Variants in PDXDC1 observed in about 807,000 individuals in gnomAD.
The protein encoded by PDXDC1 is pyridoxal-dependent decarboxylase domain-containing protein 1.
Under a neutral mutation model 100.1 loss-of-function variants are expected in PDXDC1, and 42 were observed. The ratio of observed to expected loss-of-function variants is 0.42; its 90% CI spans 0.33 to 0.54. The LOEUF (loss-of-function observed/expected upper bound fraction) is 0.54. PDXDC1 is among the 20% of genes least tolerant of loss of function. The pLI, the probability that PDXDC1 is intolerant of heterozygous loss-of-function variation, is 0.10. For missense variants in PDXDC1, 636 were observed against 979.2 expected (o/e 0.65, Z 4.68); for synonymous variants, 260 against 371.7 (o/e 0.70, Z 3.46).
At chr16:15,072,596 A>C (rs972086718) in intron 16 of PDXDC1, among the ~76,000 whole-genome samples, 5 of 152,070 alleles carry the variant, frequency 3.3e-5, no homozygotes, top group African/African-American at 1.2e-4. Context: ...TGTGGTCAGG[A>C]GTTCAAGACC....
intron 16 of PDXDC1, among the ~76,000 whole-genome samples, chr16:15,122,547 C>T (rs2047475253): frequency 6.8e-6 from 1 of 146,996 alleles, no homozygotes; most frequent in Admixed American, 6.9e-5. Flanking sequence ...AAGGAAGAAA[C>T]CCCGCGGGTC....
chr16:15,007,329 C>G (rs1347682314), intron 6 of PDXDC1, among the ~76,000 whole-genome samples: 2 of 152,222 alleles, frequency 1.3e-5, no homozygotes, highest in Non-Finnish European at 2.9e-5. Flanking sequence ...CGCCACCACG[C>G]CCAGATAATT....
Position 15,065,091 on chromosome 16 carries a change from G to A in PDXDC1, c.1399+35035G>A, listed in dbSNP as rs552856901. The A allele has an allele frequency of 1.8e-4, 162 of 888,448 alleles. No individual in the cohort carries two copies. The African/African-American group carries it at 2.4e-3, about 13-fold the overall frequency. 55.0% of individuals were successfully genotyped at this position (888,448 alleles called of 1,614,324 possible). On this transcript the variant is annotated intron_variant, in intron 16 of 16. Coordinates refer to the PDXDC1 transcript ENST00000535621. ...TGAGTCAGGAGAATGGTGTGAACCC[G>A]GGAGGCGGAGCTTGCGGTAAGCCGA...
chr16:14,985,991 C>T (rs1392064688), intron 1 of PDXDC1, among the ~76,000 whole-genome samples: 4 of 152,230 alleles, frequency 2.6e-5, no homozygotes, highest in Non-Finnish European at 2.9e-5. Context: ...GCCATGTCTG[C>T]TCAGGGGGCT....
chr16:15,063,095 G>A (rs766152404), intron 16 of PDXDC1: 58 of 879,632 alleles, frequency 6.6e-5, no homozygotes, highest in Admixed American at 5.5e-4. Context: ...CCCCTAAAGT[G>A]CGGGGATTAC....
chr16:15,076,807 G>A (rs2045475977), intron 16 of PDXDC1, among the ~76,000 whole-genome samples: 1 of 152,192 alleles, frequency 6.6e-6, no homozygotes, highest in Non-Finnish European at 1.5e-5. Flanking sequence ...GTGCAAGCCT[G>A]TAAACTGACC....
intron 16 of PDXDC1, chr16:15,094,708 G>A (rs926494615): frequency 3.5e-5 from 6 of 172,224 alleles, no homozygotes; most frequent in Admixed American, 6.5e-5. Flanking sequence ...AGACACCCAA[G>A]ATAACGTTAT....
intron 16 of PDXDC1, among the ~76,000 whole-genome samples, chr16:15,118,596 T>TACG (rs1297318957): frequency 6.7e-6 from 1 of 148,244 alleles, no homozygotes; most frequent in Non-Finnish European, 1.5e-5. Flanking sequence ...CTTCCACCCA[T>TACG]ACGATAGAAC....
At chr16:15,146,639 C>T in the PDXDC1 span, among the ~76,000 whole-genome samples, 1 of 152,250 alleles carries the variant, frequency 6.6e-6, no homozygotes, top group East Asian at 1.9e-4. Context: ...AGAGTCCACC[C>T]GCCCAGGCTG....
rs183403695 is a variant in PDXDC1 at position 15,002,107 on chromosome 16, G to A, written c.242+251G>A. Among the ~76,000 whole-genome samples the A allele has an allele frequency of 0.041, 6,072 of 147,956 alleles. 59 individuals carry two copies. The highest frequency in any genetic ancestry group is 0.098 in the African/African-American group (3,992 of 40,692). ...GAGAGGCGCTGGCAGAAGGACTGAA[G>A]AGTGAGTGTCGGATGTCTTTCTGCT... On this transcript the variant is annotated intron_variant, in intron 4 of 22. Transcript: ENST00000396410.
intron 1 of PDXDC1, among the ~76,000 whole-genome samples, chr16:14,986,283 A>G (rs1268530173): frequency 6.6e-6 from 1 of 152,296 alleles, no homozygotes; most frequent in Non-Finnish European, 1.5e-5. Flanking sequence ...CCCGGCCAAC[A>G]TGGTAAGATC....
the PDXDC1 span, among the ~76,000 whole-genome samples, chr16:15,149,048 G>C: frequency 3.3e-5 from 5 of 152,198 alleles, no homozygotes; most frequent in African/African-American, 1.2e-4. Flanking sequence ...CCCCGGGTGA[G>C]GCCAGCTGCA....
At chr16:15,142,024 C>T (rs1414991264), downstream of PDXDC1, among the ~76,000 whole-genome samples, 1 of 152,180 alleles carries the variant, frequency 6.6e-6, no homozygotes, top group Non-Finnish European at 1.5e-5. Context: ...CACAGGCAGG[C>T]CCCCTGGAAG....
In PDXDC1 at chr16:15,098,531, A is replaced by G. The variant is rs147489450; in HGVS notation, c.1400-40348A>G. On this transcript the variant is annotated intron_variant, in intron 16 of 16. Coordinates refer to the PDXDC1 transcript ENST00000535621. Reference sequence around the variant, plus strand: ...TAGTTTTTCTATTTAGAAATTGTTCATCTGGATCCTCCCTACCTTTCAGCC... The same window carrying G: ...TAGTTTTTCTATTTAGAAATTGTTCGTCTGGATCCTCCCTACCTTTCAGCC... 3.1e-3 allele frequency among the ~76,000 whole-genome samples: 473 copies of G among 152,032 alleles called. 1 individual carries two copies. Among genetic ancestry groups the G allele is most frequent in the African/African-American group, 0.01 (416 of 41,512 alleles).
At chr16:15,033,474 A>G in intron 19 of PDXDC1, 75 bp downstream of exon 19, 2 of 1,513,100 alleles carry the variant, frequency 1.3e-6, no homozygotes, top group East Asian at 2.3e-5. Flanking sequence ...CGAGGAAAGC[A>G]GCTGCCCTTG....
chr16:15,011,631 C>CTTTTTTTTT, intron 8 of PDXDC1, among the ~76,000 whole-genome samples: 466 of 131,090 alleles, frequency 3.6e-3, no homozygotes, highest in Non-Finnish European at 4.3e-3. Context: ...ACATTTTTTT[C>CTTTTTTTTT]TTTTTTTTTT....
the PDXDC1 span, among the ~76,000 whole-genome samples, chr16:15,148,303 C>T: frequency 6.6e-6 from 1 of 151,228 alleles, no homozygotes; most frequent in Admixed American, 6.6e-5. Context: ...ATGAGGCCGA[C>T]CATCTTCTCA....
chr16:14,983,587 A>G (rs1968524130), intron 1 of PDXDC1, among the ~76,000 whole-genome samples: 1 of 152,084 alleles, frequency 6.6e-6, no homozygotes, highest in South Asian at 2.1e-4. Flanking sequence ...AAAAAAAAAA[A>G]AAAAAAAAAA....
At chr16:15,125,435 G>A (rs1394722300) in intron 16 of PDXDC1, 35 of 848,500 alleles carry the variant, frequency 4.1e-5, no homozygotes, top group African/African-American at 2.7e-4. Flanking sequence ...CTGCTCCCAC[G>A]TGGTGTGACC....
Sources: allele counts gnomAD v4.1 joint callset (sites outside exome capture counted in the v4.1 genomes callset), GRCh38; gene constraint gnomAD v4.1.1; transcripts MANE v1.5; gene names NCBI Gene and HGNC (gene_info 2026-07-23, HGNC 2026-07-21).